Variants in LARP1 observed in about 807,000 individuals in gnomAD.
LARP1 encodes la-related protein 1.
A neutral mutation model predicts 122.7 loss-of-function variants in LARP1; 36 were observed. The observed-to-expected ratio is 0.29, with a 90% confidence interval of 0.22 to 0.39. The LOEUF is 0.39. Ranked by LOEUF, LARP1 falls within the 10% of genes least tolerant of loss-of-function variation. LARP1 has a pLI of 1.00. For missense variants in LARP1, 1,040 were observed against 1,403.6 expected, an observed-to-expected ratio of 0.74 and a Z score of 4.14; for synonymous variants, 539 against 528.7, an observed-to-expected ratio of 1.02 and a Z score of -0.27.
intron 1 of LARP1, among the ~76,000 whole-genome samples, chr5:154,690,938 CTTT>C (rs1227419652): frequency 6.6e-6 from 1 of 152,202 alleles, no homozygotes; most frequent in Non-Finnish European, 1.5e-5. Context: ...ATTGATTCTT[CTTT>C]GATTCTGAAA....
At position 154,803,427 on chromosome 5, in the gene LARP1, A is replaced by T. The variant is rs1223787241; in HGVS notation, c.2233+14A>T. On this transcript the variant is annotated intron_variant, in intron 12 of 18. Coordinates refer to ENST00000518297, the MANE Select transcript of LARP1 (RefSeq NM_033551.3). The surrounding 1 kb of genome is among the most constrained non-coding windows in gnomAD (Gnocchi z 4.4). ...GGTTCCAGCAAGGTGAGAAGCAGAC[A>T]CCTGAGATCCTGACATGGGTGAGAG... 6.2e-7 allele frequency: 1 copy of T among 1,613,986 alleles called. No homozygotes were observed. The highest frequency in any genetic ancestry group is 1.3e-5 in the African/African-American group (1 of 74,896).
At chr5:154,725,496 G>A (rs1237085319) in intron 1 of LARP1, among the ~76,000 whole-genome samples, 1 of 151,884 alleles carries the variant, frequency 6.6e-6, no homozygotes, top group East Asian at 1.9e-4. Context: ...GCTGCAGTGA[G>A]CTATGATTAT....
chr5:154,753,770 T>C (rs1361585572), upstream of LARP1, among the ~76,000 whole-genome samples: 1 of 152,210 alleles, frequency 6.6e-6, no homozygotes, highest in Non-Finnish European at 1.5e-5. Flanking sequence ...GAAGTAGACA[T>C]GGCATTACCT....
chr5:154,717,656 T>G (rs1755592270), intron 1 of LARP1, among the ~76,000 whole-genome samples: 1 of 152,182 alleles, frequency 6.6e-6, no homozygotes, highest in Non-Finnish European at 1.5e-5. Flanking sequence ...AGGTAAGGCC[T>G]GGTGATATCA....
rs373821965 is a variant in LARP1 at position 154,800,069 on chromosome 5, G to A, written c.1716+27G>A. On this transcript the variant is annotated intron_variant, in intron 10 of 18. Coordinates refer to ENST00000518297, the MANE Select transcript of LARP1 (RefSeq NM_033551.3). Reference sequence around the variant, plus strand: ...TGGGTGAGGCCTTGTCCCTTGCCTTGGTTCTAGCACTCTGAGCTAGGGTGC... The same window carrying A: ...TGGGTGAGGCCTTGTCCCTTGCCTTAGTTCTAGCACTCTGAGCTAGGGTGC... The A allele has an allele frequency of 3.6e-4, 584 of 1,608,346 alleles. 10 individuals carry two copies. In the South Asian group the frequency reaches 6.3e-3, roughly 17 times the overall value.
At chr5:154,779,574 T>TCTCGGCTCACCGCAAC (rs1756239023) in intron 1 of LARP1, among the ~76,000 whole-genome samples, 1 of 145,876 alleles carries the variant, frequency 6.9e-6, no homozygotes, top group African/African-American at 2.5e-5. Flanking sequence ...AGTGGCGCAA[T>TCTCGGCTCACCGCAAC]CTCGGCTCAC....
chr5:154,774,185 G>A lies in LARP1; in HGVS notation c.437-16140G>A, dbSNP rs537165519. On this transcript the variant is annotated intron_variant, in intron 1 of 18. Coordinates refer to ENST00000518297, the MANE Select transcript of LARP1 (RefSeq NM_033551.3). ...CCCTTTGGAGGAGGGCTGAGGATGA[G>A]CAGCTGACTTGGGTTAGCCCTCAGA... 5.3e-5 allele frequency among the ~76,000 whole-genome samples: 8 copies of A among 152,226 alleles called. No homozygotes were observed. The South Asian group carries it at 1.2e-3, about 24-fold the overall frequency.
At chr5:154,813,161 A>G (rs1759428729) in intron 18 of LARP1, among the ~76,000 whole-genome samples, 1 of 152,176 alleles carries the variant, frequency 6.6e-6, no homozygotes. Flanking sequence ...AGGTCTCTCA[A>G]TATAAACACA....
chr5:154,791,802 C>A (rs190035446), intron 3 of LARP1: 1 of 320,832 alleles, frequency 3.1e-6, no homozygotes, highest in Non-Finnish European at 6.5e-6. Flanking sequence ...GTTCTGCATT[C>A]GGTTTTTTAA....
At chr5:154,724,436 T>C (rs974251230) in intron 1 of LARP1, among the ~76,000 whole-genome samples, 1 of 152,208 alleles carries the variant, frequency 6.6e-6, no homozygotes, top group Non-Finnish European at 1.5e-5. Context: ...AAGTAATTCC[T>C]TCCCTGCCTA....
intron 1 of LARP1, chr5:154,685,787 A>G (rs142414368): frequency 2.0e-4 from 101 of 504,216 alleles, no homozygotes; most frequent in Middle Eastern, 3.4e-4. Flanking sequence ...GCTGGGCAAC[A>G]TAGCGAGACC....
intron 1 of LARP1, among the ~76,000 whole-genome samples, chr5:154,714,729 C>T (rs2113308227): frequency 6.6e-6 from 1 of 152,270 alleles, no homozygotes; most frequent in East Asian, 1.9e-4. Context: ...TGTGGCAGCA[C>T]CCTCTCTCGG....
At chr5:154,804,655 C>A in intron 14 of LARP1, 1 of 417,248 alleles carries the variant, frequency 2.4e-6, no homozygotes. Context: ...CCTACTATGT[C>A]TTGGGAGGCT....
chr5:154,796,825 A>C (rs948842482), intron 8 of LARP1, among the ~76,000 whole-genome samples: 7 of 152,148 alleles, frequency 4.6e-5, no homozygotes, highest in Non-Finnish European at 7.3e-5. Flanking sequence ...TTAATGTTTG[A>C]TCTTCCTCCC....
chr5:154,731,258 T>C (rs1234830327), intron 1 of LARP1, among the ~76,000 whole-genome samples: 8 of 152,234 alleles, frequency 5.3e-5, no homozygotes, highest in Admixed American at 3.9e-4. Context: ...ATATGGTTGA[T>C]GGGTAAAGGA....
chr5:154,755,060 C>T (rs1046725939), upstream of LARP1, among the ~76,000 whole-genome samples: 1 of 152,018 alleles, frequency 6.6e-6, no homozygotes, highest in Non-Finnish European at 1.5e-5. Flanking sequence ...TCTCCTATCC[C>T]CGTCAGCGCC....
chr5:154,691,434 C>T (rs1024947880), intron 1 of LARP1, among the ~76,000 whole-genome samples: 8 of 152,206 alleles, frequency 5.3e-5, no homozygotes, highest in African/African-American at 1.4e-4. Flanking sequence ...TCACATCCCC[C>T]TGCGACGTGG....
chr5:154,693,854 TAAAAAAA>T (rs36035997), intron 1 of LARP1, among the ~76,000 whole-genome samples: 1 of 130,294 alleles, frequency 7.7e-6, no homozygotes, highest in Non-Finnish European at 1.6e-5. Flanking sequence ...AGACTCCGTC[TAAAAAAA>T]AAAAAAAAAA....
intron 1 of LARP1, chr5:154,729,431 A>T: frequency 8.0e-6 from 3 of 375,054 alleles, no homozygotes; most frequent in South Asian, 7.3e-5. Flanking sequence ...GTTACCTAGC[A>T]TGCTATTGGC....
Sources: gnomAD v4.1 joint callset for allele counts (sites outside exome capture counted in the v4.1 genomes callset) on GRCh38, gnomAD v4.1.1 for gene constraint, Gnocchi (gnomAD v3.1) non-coding constraint, MANE v1.5 for transcripts, NCBI Gene and HGNC (gene_info 2026-07-23, HGNC 2026-07-21) for gene names.